TUSC3: variants seen among roughly 807,000 people sequenced by gnomAD.
TUSC3 encodes dolichyl-diphosphooligosaccharide--protein glycosyltransferase subunit TUSC3.
Under a neutral mutation model 44.8 loss-of-function variants are expected in TUSC3, and 45 were observed. The ratio of observed to expected loss-of-function variants is 1.00; its 90% CI spans 0.79 to 1.29. TUSC3 has a LOEUF of 1.29. TUSC3 is among the 50% of genes most tolerant of loss of function. TUSC3 has a pLI of 0.00. For missense variants in TUSC3, 519 were observed against 437.9 expected, an observed-to-expected ratio of 1.19 and a Z score of -1.65; for synonymous variants, 212 against 152.9, an observed-to-expected ratio of 1.39 and a Z score of -2.85.
intron 1 of TUSC3, among the ~76,000 whole-genome samples, chr8:15,422,149 TATA>T (rs1346350950): frequency 6.6e-6 from 1 of 152,220 alleles, no homozygotes; most frequent in African/African-American, 2.4e-5. Context: ...AAATTCAAAT[TATA>T]ATCAATGAAA....
intron 6 of TUSC3, among the ~76,000 whole-genome samples, chr8:15,725,374 G>A (rs1314450499): frequency 3.3e-5 from 5 of 152,090 alleles, no homozygotes; most frequent in Admixed American, 2.0e-4. Context: ...AATCAAACAC[G>A]TTTGTTAGTA....
chr8:15,476,542 C>T (rs776288410), intron 1 of TUSC3, among the ~76,000 whole-genome samples: 28 of 152,176 alleles, frequency 1.8e-4, no homozygotes, highest in Non-Finnish European at 4.0e-4. Flanking sequence ...TATTCTACAT[C>T]GTGCTCAAGA....
chr8:15,483,801 G>A (rs1273945313), intron 2 of TUSC3, among the ~76,000 whole-genome samples: 4 of 151,600 alleles, frequency 2.6e-5, no homozygotes, highest in African/African-American at 9.7e-5. Flanking sequence ...GACTACAGGC[G>A]CCAGCCACAA....
At chr8:15,445,451 A>G (rs1322513583) in intron 1 of TUSC3, among the ~76,000 whole-genome samples, 1 of 152,152 alleles carries the variant, frequency 6.6e-6, no homozygotes, top group Non-Finnish European at 1.5e-5. Context: ...TTTCCTAGGC[A>G]GAGGACCCTG....
At chr8:15,490,110 GTTTGA>G (rs1310697978) in intron 2 of TUSC3, among the ~76,000 whole-genome samples, 1 of 152,116 alleles carries the variant, frequency 6.6e-6, no homozygotes, top group Non-Finnish European at 1.5e-5. Flanking sequence ...TTGTTTGTTA[GTTTGA>G]TTTGGTTTTA....
At chr8:15,806,916 C>A in the TUSC3 span, 705,039 of 1,394,930 alleles carry the variant, frequency 0.51, 187,730 homozygotes, top group Non-Finnish European at 0.55. Flanking sequence ...TGACCCACTT[C>A]TATCTGCACC....
At chr8:15,721,480 G>C (rs1473064960) in intron 6 of TUSC3, among the ~76,000 whole-genome samples, 4 of 151,930 alleles carry the variant, frequency 2.6e-5, no homozygotes, top group Non-Finnish European at 4.4e-5. Context: ...CACACACACA[G>C]AGATTATACT....
intron 1 of TUSC3, among the ~76,000 whole-genome samples, chr8:15,622,183 A>G (rs1484347322): frequency 1.3e-5 from 2 of 152,128 alleles, no homozygotes; most frequent in Non-Finnish European, 2.9e-5. Flanking sequence ...TTGGTTTTAA[A>G]ATGGCAGGCA....
At chr8:15,607,922 A>T (rs1201245230) in intron 1 of TUSC3, among the ~76,000 whole-genome samples, 1 of 152,170 alleles carries the variant, frequency 6.6e-6, no homozygotes, top group Non-Finnish European at 1.5e-5. Context: ...GAACGTAATG[A>T]AGTGTCATAT....
rs866929376 is a variant in TUSC3, at chr8:15,666,321, C to A, written c.708+4025C>A. ...AAGCATCATTAAAATAATGTAATAA[C>A]CCAACCTTATTATCACAGTAAATCA... On this transcript the variant is annotated intron_variant, in intron 5 of 10. Coordinates refer to ENST00000503731, the MANE Select transcript of TUSC3 (RefSeq NM_006765.4). Among the ~76,000 whole-genome samples, 4 of 151,494 alleles carry A rather than the reference C, an allele frequency of 2.6e-5. No homozygotes were observed. The South Asian group carries it at 8.3e-4, about 31-fold the overall frequency.
chr8:15,690,858 T>C (rs560474361), intron 6 of TUSC3, among the ~76,000 whole-genome samples: 2 of 151,858 alleles, frequency 1.3e-5, no homozygotes, highest in Non-Finnish European at 2.9e-5. Context: ...CATTGGTCTG[T>C]GTGTCTATAT....
intron 2 of TUSC3, among the ~76,000 whole-genome samples, chr8:15,503,670 C>G (rs6530882): frequency 0.13 from 19,530 of 152,046 alleles, 1,343 homozygotes; most frequent in Middle Eastern, 0.2. Context: ...TACCACTCCA[C>G]TCCAGCCTGG....
upstream of TUSC3, among the ~76,000 whole-genome samples, chr8:15,537,069 G>A (rs1310702095): frequency 6.6e-6 from 1 of 152,052 alleles, no homozygotes; most frequent in Non-Finnish European, 1.5e-5. Flanking sequence ...TTTCTTTGCA[G>A]ATCCAGTAAG....
At chr8:15,505,281 A>G (rs1170677719) in intron 2 of TUSC3, among the ~76,000 whole-genome samples, 1 of 152,210 alleles carries the variant, frequency 6.6e-6, no homozygotes, top group Non-Finnish European at 1.5e-5. Flanking sequence ...GTTAAACTGC[A>G]CTGTCAATTG....
intron 6 of TUSC3, among the ~76,000 whole-genome samples, chr8:15,723,613 T>C (rs751598623): frequency 4.6e-5 from 7 of 152,074 alleles, no homozygotes; most frequent in Non-Finnish European, 8.8e-5. Flanking sequence ...TAGAGCCTAG[T>C]AAGAACTAAT....
At chr8:15,754,719 T>TTTATAATTGCTGGCTC (rs1811850595) in intron 9 of TUSC3, among the ~76,000 whole-genome samples, 1 of 152,170 alleles carries the variant, frequency 6.6e-6, no homozygotes, top group Non-Finnish European at 1.5e-5. Flanking sequence ...TAAACTGTTG[T>TTTATAATTGCTGGCTC]ACCACTGATA....
In TUSC3 at chr8:15,740,290, A is replaced by G. The variant is rs114357699; in HGVS notation, c.863-3248A>G. 4.9e-3 allele frequency among the ~76,000 whole-genome samples: 745 copies of G among 152,260 alleles called. 5 individuals are homozygous for G. The highest frequency in any genetic ancestry group is 0.017 in the African/African-American group (706 of 41,538). ...TATTAGGAGAAAAGGCTAGAAACCTAGAAGGAGGATTTAATTTCTAAAGCA... is the reference window on the plus strand; with the variant it reads ...TATTAGGAGAAAAGGCTAGAAACCTGGAAGGAGGATTTAATTTCTAAAGCA... On this transcript the variant is annotated intron_variant, in intron 7 of 10. Coordinates refer to ENST00000503731, the MANE Select transcript of TUSC3 (RefSeq NM_006765.4).
the TUSC3 span, among the ~76,000 whole-genome samples, chr8:15,834,471 T>C: frequency 6.6e-6 from 1 of 152,248 alleles, no homozygotes; most frequent in African/African-American, 2.4e-5. Flanking sequence ...TTAAGAACAA[T>C]ACTGTTTTTT....
At chr8:15,573,036 G>C (rs1017081672) in intron 1 of TUSC3, among the ~76,000 whole-genome samples, 2 of 151,822 alleles carry the variant, frequency 1.3e-5, no homozygotes, top group African/African-American at 4.8e-5. Context: ...CACCCATAGA[G>C]TTGCTTAATG....
Sources: allele counts gnomAD v4.1 joint callset (sites outside exome capture counted in the v4.1 genomes callset), GRCh38; gene constraint gnomAD v4.1.1; transcripts MANE v1.5; gene names NCBI Gene and HGNC (gene_info 2026-07-23, HGNC 2026-07-21).